Variants in CTIF observed in about 807,000 individuals in gnomAD.
CTIF encodes CBP80/20-dependent translation initiation factor.
Under a neutral mutation model 66.0 loss-of-function variants are expected in CTIF, and 21 were observed. The observed-to-expected ratio is 0.32, with a 90% CI of 0.23 to 0.46. The LOEUF is 0.46. Among genes scored for constraint, CTIF ranks in the 20% least tolerant of loss-of-function variants. The pLI, the probability that CTIF is intolerant of heterozygous loss-of-function variation, is 1.00. For synonymous variants in CTIF, 345 were observed against 326.4 expected (o/e 1.06, Z -0.62); for missense variants, 739 against 812.7 (o/e 0.91, Z 1.10).
At chr18:48,572,790 C>T (rs901911466) in intron 1 of CTIF, among the ~76,000 whole-genome samples, 9 of 152,058 alleles carry the variant, frequency 5.9e-5, no homozygotes, top group Admixed American at 1.3e-4. Context: ...GAGTTCGAGA[C>T]CAGCTTGGGC....
At chr18:48,542,639 A>G (rs1040472215) in intron 1 of CTIF, among the ~76,000 whole-genome samples, 1 of 152,256 alleles carries the variant, frequency 6.6e-6, no homozygotes, top group Admixed American at 6.5e-5. Flanking sequence ...GCAATGCAAT[A>G]ACACAGCCTA....
At position 48,663,841 on chromosome 18, in the gene CTIF, C is replaced by G. The variant is rs754383453; in HGVS notation, c.326+16C>G. 2.5e-6 allele frequency: 4 copies of G among 1,612,674 alleles called. No individual in the cohort carries two copies. Among genetic ancestry groups the G allele is most frequent in the Non-Finnish European group, 3.4e-6 (4 of 1,178,772 alleles). On this transcript the variant is annotated intron_variant, in intron 4 of 11. Coordinates refer to ENST00000256413, the MANE Select transcript of CTIF (RefSeq NM_014772.3). The stretch of plus-strand genomic sequence containing the variant: ...ATTCCTTCAGGTAACCTCCTCCTCC[C>G]TCCTTCCCTGTGGTGTGAGGTCCAG...
chr18:48,640,837 G>C (rs944367888), intron 3 of CTIF, among the ~76,000 whole-genome samples: 1 of 152,230 alleles, frequency 6.6e-6, no homozygotes, highest in South Asian at 2.1e-4. Flanking sequence ...TGTTATTTTA[G>C]CTAATGTCAA....
rs189339769 is a variant in CTIF, at chr18:48,798,757, T to G, written c.1372-18464T>G. Among the ~76,000 whole-genome samples the G allele has an allele frequency of 3.3e-5, 5 of 152,332 alleles. No homozygotes were observed. The East Asian group carries it at 5.8e-4, about 18-fold the overall frequency. On this transcript the variant is annotated intron_variant, in intron 9 of 11. Coordinates refer to ENST00000256413, the MANE Select transcript of CTIF (RefSeq NM_014772.3). ...GGAGCATTGGGCACCATTGTCACTC[T>G]CAGCAGTGGTTCTCAACCAGGAGTG...
At chr18:48,730,208 T>A (rs1357987313) in intron 7 of CTIF, among the ~76,000 whole-genome samples, 1 of 145,542 alleles carries the variant, frequency 6.9e-6, no homozygotes, top group Non-Finnish European at 1.5e-5. Context: ...GAGGGGCTCC[T>A]GTGGTGTGAG....
chr18:48,589,992 T>C (rs1480103668), intron 1 of CTIF, among the ~76,000 whole-genome samples: 2 of 151,246 alleles, frequency 1.3e-5, no homozygotes, highest in African/African-American at 2.4e-5. Context: ...CTGCTTTCCT[T>C]TACAGGCGAG....
intron 10 of CTIF, among the ~76,000 whole-genome samples, chr18:48,835,923 A>AG (rs35938042): frequency 6.6e-6 from 1 of 151,946 alleles, no homozygotes; most frequent in East Asian, 1.9e-4. Context: ...ATCCATCCAA[A>AG]GGGGGCTCCC....
intron 1 of CTIF, among the ~76,000 whole-genome samples, chr18:48,604,132 C>A (rs532701378): frequency 9.4e-5 from 14 of 149,178 alleles, no homozygotes; most frequent in African/African-American, 1.5e-4. Context: ...GTGTGAACCA[C>A]CACACCCCGC....
chr18:48,813,679 CTT>C (rs2068306471), intron 9 of CTIF, among the ~76,000 whole-genome samples: 1 of 152,356 alleles, frequency 6.6e-6, no homozygotes, highest in East Asian at 1.9e-4. Context: ...AGAATGCTCT[CTT>C]GATGCCATGG....
chr18:48,842,489 C>T (rs927098142), intron 10 of CTIF, among the ~76,000 whole-genome samples: 4 of 152,164 alleles, frequency 2.6e-5, no homozygotes, highest in Non-Finnish European at 5.9e-5. Flanking sequence ...CCTGTTAGCG[C>T]GGAAGGGAGA....
At chr18:48,857,717 A>C in intron 11 of CTIF, 76 bp downstream of exon 11, 5 of 1,400,360 alleles carry the variant, frequency 3.6e-6, no homozygotes, top group Non-Finnish European at 4.9e-6. Context: ...TAGGGGCACG[A>C]GGGTTGTTGG....
intron 10 of CTIF, among the ~76,000 whole-genome samples, chr18:48,846,577 AGGTG>A (rs951189729): frequency 5.6e-5 from 7 of 124,542 alleles, no homozygotes; most frequent in African/African-American, 9.1e-5. Context: ...ATGGATGGGT[AGGTG>A]GGTGGGTGGG....
intron 2 of CTIF, among the ~76,000 whole-genome samples, chr18:48,621,840 G>C (rs1232287844): frequency 1.3e-5 from 2 of 152,174 alleles, no homozygotes; most frequent in Non-Finnish European, 2.9e-5. Context: ...GGGGAAATAA[G>C]GTCAAAATAG....
chr18:48,628,328 G>C (rs1247986285), intron 2 of CTIF, among the ~76,000 whole-genome samples: 3 of 152,152 alleles, frequency 2.0e-5, no homozygotes, highest in East Asian at 1.9e-4. Context: ...TTAAGCCCAG[G>C]GGGTGAGGAA....
rs114772463 is a variant in CTIF, at chr18:48,783,928, G to A, written c.1371+22239G>A. On this transcript the variant is annotated intron_variant, in intron 9 of 11. Transcript: ENST00000256413. ...TCCACACGTATGCTGTTACCCACAC[G>A]GGCCACCAAACCTCCAGTCCCCTGC... is the stretch of plus-strand genomic sequence containing the variant. 6.3e-3 allele frequency among the ~76,000 whole-genome samples: 956 copies of A among 152,084 alleles called. 15 individuals are homozygous for A. Among genetic ancestry groups the A allele is most frequent in the African/African-American group, 0.022 (912 of 41,478 alleles).
intron 9 of CTIF, among the ~76,000 whole-genome samples, chr18:48,777,130 C>T (rs982868307): frequency 6.6e-6 from 1 of 152,244 alleles, no homozygotes; most frequent in South Asian, 2.1e-4. Context: ...ATCCCCAACT[C>T]TCCCCACCCG....
intron 11 of CTIF, among the ~76,000 whole-genome samples, chr18:48,858,989 A>G (rs2069394700): frequency 6.6e-6 from 1 of 152,198 alleles, no homozygotes; most frequent in African/African-American, 2.4e-5. Context: ...GGCACAGATC[A>G]TGGAGCCATT....
chr18:48,770,998 C>CT (rs1181509696), intron 9 of CTIF, among the ~76,000 whole-genome samples: 2 of 152,100 alleles, frequency 1.3e-5, no homozygotes, highest in African/African-American at 4.8e-5. Flanking sequence ...TTCCATTTCC[C>CT]CCCCCTACGC....
intron 6 of CTIF, among the ~76,000 whole-genome samples, chr18:48,680,121 G>A (rs529181680): frequency 1.3e-5 from 2 of 152,272 alleles, no homozygotes; most frequent in African/African-American, 4.8e-5. Context: ...CCTCCTCCTG[G>A]AGACCAAGAG....
Sources: gnomAD v4.1 joint callset for allele counts (sites outside exome capture counted in the v4.1 genomes callset) on GRCh38, gnomAD v4.1.1 for gene constraint, MANE v1.5 for transcripts, NCBI Gene and HGNC (gene_info 2026-07-23, HGNC 2026-07-21) for gene names.